NCOR2: variants seen among roughly 807,000 people sequenced by gnomAD.
NCOR2 encodes the protein nuclear receptor corepressor 2, also known as CTG repeat protein 26.
A neutral mutation model predicts 262.9 loss-of-function variants in NCOR2; 81 were observed. That is an observed-to-expected ratio of 0.31 (90% CI 0.26 to 0.37). The LOEUF (loss-of-function observed/expected upper bound fraction) is 0.37, where lower values mean the gene tolerates loss of function less well. Among genes scored for constraint, NCOR2 ranks in the 10% least tolerant of loss-of-function variants. The pLI is 1.00. For missense variants in NCOR2, 3,385 were observed against 3,621.4 expected (o/e 0.93, Z 1.68); for synonymous variants, 1,659 against 1,559.3 (o/e 1.06, Z -1.51).
upstream of NCOR2, among the ~76,000 whole-genome samples, chr12:124,497,488 G>A (rs978710281): frequency 9.2e-5 from 14 of 152,160 alleles, no homozygotes; most frequent in Non-Finnish European, 1.9e-4. The surrounding 1 kb of genome is among the most constrained non-coding windows in gnomAD (Gnocchi z 4.2). Context: ...TTACCCAGGC[G>A]ACAGCCGTCT....
chr12:124,463,493 C>T (rs2046276771), intron 5 of NCOR2, among the ~76,000 whole-genome samples: 1 of 152,226 alleles, frequency 6.6e-6, no homozygotes, highest in African/African-American at 2.4e-5. Flanking sequence ...GCAGGCAGCT[C>T]CCAGGAGGCG....
intron 1 of NCOR2, among the ~76,000 whole-genome samples, chr12:124,501,033 GCC>G (rs1566001612): frequency 2.1e-3 from 314 of 151,656 alleles, no homozygotes; most frequent in African/African-American, 7.1e-3. Flanking sequence ...GGCAGAGAGC[GCC>G]CACGGCACGA....
intron 1 of NCOR2, among the ~76,000 whole-genome samples, chr12:124,488,589 G>A (rs1414788895): frequency 6.6e-6 from 1 of 152,228 alleles, no homozygotes; most frequent in African/African-American, 2.4e-5. Flanking sequence ...AAGACTCTAG[G>A]TGCTCTCAGT....
chr12:124,344,819 C>T (rs2036778167), exon 32 of NCOR2: 1 of 1,555,628 alleles, frequency 6.4e-7, no homozygotes. Context: ...CGTTCCAGTG[C>T]CCGGGCGTCG....
At chr12:124,555,900 TAAGCA>T (rs1185951592) in intron 1 of NCOR2, 3 of 152,160 alleles carry the variant, frequency 2.0e-5, no homozygotes, top group African/African-American at 7.2e-5. Flanking sequence ...CTGAAAACAG[TAAGCA>T]CTGGCCCAGC....
intron 23 of NCOR2, 80 bp from the exon 26 acceptor site, chr12:124,355,651 A>C: frequency 6.9e-7 from 1 of 1,455,062 alleles, no homozygotes; most frequent in Non-Finnish European, 9.0e-7. Flanking sequence ...GCTGCACTCC[A>C]CCTCTTCCCT....
chr12:124,428,086 T>TGTGC (rs958627720), intron 10 of NCOR2, among the ~76,000 whole-genome samples: 1 of 147,044 alleles, frequency 6.8e-6, no homozygotes, highest in Non-Finnish European at 1.5e-5. Context: ...TGTGTGTGTG[T>TGTGC]GTACATGCAA....
At position 124,495,213 on chromosome 12, in the gene NCOR2, C is replaced by G; in HGVS notation, c.39G>C (p.Arg13Ser). The G allele has an allele frequency of 6.2e-7, 1 of 1,613,832 alleles. No individual in the cohort carries two copies. The highest frequency in any genetic ancestry group is 8.5e-7 in the Non-Finnish European group (1 of 1,179,906). The change falls in exon 1 of 47, where the codon AGG (arginine) becomes AGC (serine). Residue 13 changes from arginine to serine, a missense_variant. Physicochemically the swap from Arg to Ser is moderately radical, Grantham distance 110. Transcript: ENST00000405201. The surrounding 1 kb of genome is among the most constrained non-coding windows in gnomAD (Gnocchi z 4.4). The stretch of plus-strand genomic sequence containing the variant: ...GGGGCGGGTAGCGGGGCTCAGTGGC[C>G]CTCCACGTCTGTGCCACAGGCTGTG...
intron 17 of NCOR2, chr12:124,383,285 C>T (rs777811552): frequency 1.5e-5 from 3 of 193,584 alleles, no homozygotes; most frequent in Non-Finnish European, 3.1e-5. Context: ...GGTGGCAGAG[C>T]CTACGTTCAA....
chr12:124,473,005 C>G, exon 4 of NCOR2: 1 of 1,614,174 alleles, frequency 6.2e-7, no homozygotes, highest in Non-Finnish European at 8.5e-7. Flanking sequence ...ATCTCTCGGT[C>G]CACGCGGTCC....
intron 16 of NCOR2, among the ~76,000 whole-genome samples, chr12:124,391,746 G>A (rs2041320598): frequency 6.6e-6 from 1 of 152,194 alleles, no homozygotes; most frequent in Non-Finnish European, 1.5e-5. Flanking sequence ...TAAATCATAG[G>A]TACGATGTGA....
At chr12:124,342,217 C>A (rs2036512873) in intron 33 of NCOR2, 143 bp from the exon 36 acceptor site, 22 of 975,194 alleles carry the variant, frequency 2.3e-5, no homozygotes, top group Non-Finnish European at 3.1e-5. Context: ...CAAACCAGAA[C>A]TGAGCGTCGG....
At position 124,503,605 on chromosome 12, in the gene NCOR2, C is replaced by CGGAT. The variant is rs1566004910; in HGVS notation, c.-117-8238_-117-8237insATCC. Among the ~76,000 whole-genome samples the CGGAT allele has an allele frequency of 2.3e-5, 3 of 130,390 alleles. No individual in the cohort carries two copies. Among genetic ancestry groups the CGGAT allele is most frequent in the Admixed American group, 7.8e-5 (1 of 12,864 alleles). The allele number at this position is 130,390 out of a possible 152,430, so 85.5% of individuals were successfully genotyped here. On this transcript the variant is annotated intron_variant, in intron 1 of 46. Transcript: ENST00000404621. The surrounding 1 kb of genome is among the most constrained non-coding windows in gnomAD (Gnocchi z 4.3). ...ACGGATGGACGGATGGATGGATGGA[C>CGGAT]GGACGGACGGATGGATGGATGGATG... is the stretch of plus-strand genomic sequence containing the variant.
intron 41 of NCOR2, among the ~76,000 whole-genome samples, chr12:124,333,953 CGTGT>C (rs59660036): frequency 4.1e-4 from 46 of 112,752 alleles, no homozygotes; most frequent in South Asian, 3.1e-3. Context: ...TGGGTGTGCA[CGTGT>C]GTGTGTGCGG....
chr12:124,384,075 C>T (rs1262932749), intron 17 of NCOR2, among the ~76,000 whole-genome samples: 4 of 152,294 alleles, frequency 2.6e-5, no homozygotes, highest in African/African-American at 9.6e-5. Flanking sequence ...GAAAGGACAG[C>T]TGGGGAGAAA....
intron 12 of NCOR2, among the ~76,000 whole-genome samples, chr12:124,421,537 G>T (rs986261046): frequency 1.1e-4 from 16 of 152,156 alleles, no homozygotes; most frequent in East Asian, 1.9e-4. Context: ...TCCTTCTACG[G>T]TTATCAGCTC....
intron 5 of NCOR2, among the ~76,000 whole-genome samples, chr12:124,464,312 T>C (rs1032566370): frequency 6.6e-6 from 1 of 152,214 alleles, no homozygotes; most frequent in South Asian, 2.1e-4. Context: ...GCCACTGACC[T>C]GGCCTCCACA....
intron 13 of NCOR2, among the ~76,000 whole-genome samples, chr12:124,409,847 T>C (rs1182697003): frequency 6.6e-6 from 1 of 152,030 alleles, no homozygotes; most frequent in African/African-American, 2.4e-5. Context: ...CCGGCTAATT[T>C]TTTAATTTTT....
At chr12:124,560,122 A>T (rs1472564703) in intron 1 of NCOR2, among the ~76,000 whole-genome samples, 1 of 152,222 alleles carries the variant, frequency 6.6e-6, no homozygotes, top group Non-Finnish European at 1.5e-5. Context: ...TCTCTGGGCC[A>T]CAGTTTCCTC....
Sources: gnomAD v4.1 joint callset for allele counts (sites outside exome capture counted in the v4.1 genomes callset) on GRCh38, gnomAD v4.1.1 for gene constraint, Gnocchi (gnomAD v3.1) non-coding constraint, MANE v1.5 for transcripts, NCBI Gene and HGNC (gene_info 2026-07-23, HGNC 2026-07-21) for gene names.